GGNBP2: variants seen among roughly 807,000 people sequenced by gnomAD.
The protein encoded by GGNBP2 is gametogenetin binding protein 2.
In GGNBP2, 10 loss-of-function variants were observed where a neutral mutation model predicts 85.9. The ratio of observed to expected loss-of-function variants is 0.12; its 90% confidence interval spans 0.07 to 0.20. The LOEUF is 0.20. Among genes scored for constraint, GGNBP2 ranks in the 10% least tolerant of loss-of-function variants. The pLI, the probability that GGNBP2 is intolerant of heterozygous loss-of-function variation, is 1.00. For synonymous variants in GGNBP2, 287 were observed against 285.7 expected (o/e 1.00, Z -0.05); for missense variants, 595 against 857.8 (o/e 0.69, Z 3.83).
chr17:36,577,288 C>T (rs1012030387), intron 6 of GGNBP2: 52 of 152,182 alleles, frequency 3.4e-4, no homozygotes, highest in African/African-American at 1.1e-3. Flanking sequence ...TCTACATTCA[C>T]AAACTCTTCT....
chr17:36,547,864 C>T (rs2142668326), intron 2 of GGNBP2: 1 of 152,328 alleles, frequency 6.6e-6, no homozygotes, highest in Middle Eastern at 3.4e-3. Context: ...TCTGCACAGT[C>T]ATTGAATGCT....
intron 6 of GGNBP2, among the ~76,000 whole-genome samples, chr17:36,568,031 T>G (rs2074485589): frequency 6.6e-6 from 1 of 152,062 alleles, no homozygotes; most frequent in Admixed American, 6.6e-5. Flanking sequence ...GTTCAAGAGA[T>G]TCTCCTGCCT....
At chr17:36,552,664 G>C (rs553471382) in intron 2 of GGNBP2, among the ~76,000 whole-genome samples, 8 of 152,246 alleles carry the variant, frequency 5.3e-5, no homozygotes, top group South Asian at 2.1e-4. Flanking sequence ...CTGAAAATTG[G>C]ATAATTGACA....
intron 6 of GGNBP2, among the ~76,000 whole-genome samples, chr17:36,573,056 A>G (rs546068277): frequency 9.9e-5 from 15 of 152,274 alleles, no homozygotes; most frequent in East Asian, 5.8e-4. Flanking sequence ...TAATGTCACA[A>G]TACTGTGACA....
chr17:36,564,949 A>G (rs1197580559), intron 5 of GGNBP2, among the ~76,000 whole-genome samples: 8 of 152,190 alleles, frequency 5.3e-5, no homozygotes, highest in Admixed American at 5.2e-4. Flanking sequence ...AGAAAGATCT[A>G]GGCTGGAGTT....
At chr17:36,580,353 G>A (rs2074635447) in intron 8 of GGNBP2, among the ~76,000 whole-genome samples, 1 of 151,228 alleles carries the variant, frequency 6.6e-6, no homozygotes, top group Non-Finnish European at 1.5e-5. Context: ...GACTGCAGGC[G>A]CCCGCCACCA....
At chr17:36,547,320 T>C (rs971197408) in intron 2 of GGNBP2, 1 of 152,188 alleles carries the variant, frequency 6.6e-6, no homozygotes, top group African/African-American at 2.4e-5. Flanking sequence ...AGTTATGATA[T>C]CAGCCTTTAA....
chr17:36,548,162 T>C (rs1394507952), intron 2 of GGNBP2, among the ~76,000 whole-genome samples: 1 of 152,224 alleles, frequency 6.6e-6, no homozygotes, highest in Non-Finnish European at 1.5e-5. Flanking sequence ...ATAGTAGTCT[T>C]AGGATTTTGA....
chr17:36,546,177 C>T (rs944202455), intron 2 of GGNBP2: 83 of 395,386 alleles, frequency 2.1e-4, no homozygotes, highest in African/African-American at 1.6e-3. Flanking sequence ...CACCTACCCT[C>T]GGGGAGGCTT....
intron 2 of GGNBP2, among the ~76,000 whole-genome samples, chr17:36,552,715 A>C (rs1185367171): frequency 6.6e-6 from 1 of 152,204 alleles, no homozygotes; most frequent in Non-Finnish European, 1.5e-5. Flanking sequence ...AAAAACTTTC[A>C]GAATGGTAAA....
At chr17:36,586,947 G>C (rs1235638284) in intron 12 of GGNBP2, 50 bp from the exon 13 acceptor site, 1 of 1,223,346 alleles carries the variant, frequency 8.2e-7, no homozygotes, top group Admixed American at 2.3e-5. Flanking sequence ...AAGAATAATT[G>C]CTATTATATC....
At chr17:36,584,738 C>T (rs2074683793) in intron 9 of GGNBP2, among the ~76,000 whole-genome samples, 2 of 152,060 alleles carry the variant, frequency 1.3e-5, no homozygotes. Flanking sequence ...TGCTTAAGGC[C>T]AGGAGTTCAA....
At chr17:36,569,366 C>T (rs576118599) in intron 6 of GGNBP2, among the ~76,000 whole-genome samples, 44 of 152,244 alleles carry the variant, frequency 2.9e-4, no homozygotes, top group African/African-American at 1.1e-3. Flanking sequence ...GAGCCAGGAT[C>T]GTGCCACTGC....
chr17:36,585,654 A>G, intron 10 of GGNBP2, 186 bp from the exon 11 acceptor site: 1 of 628,934 alleles, frequency 1.6e-6, no homozygotes, highest in Non-Finnish European at 2.6e-6. Context: ...AAAAATGGTA[A>G]ATTCCTAATC....
intron 2 of GGNBP2, 29 bp from the exon 3 acceptor site, chr17:36,554,791 A>G: frequency 7.2e-7 from 1 of 1,391,644 alleles, no homozygotes; most frequent in Non-Finnish European, 1.0e-6. Context: ...GGGTAAAGTA[A>G]TTGATTTCCG....
chr17:36,583,075 GAC>G (rs1376049851), intron 9 of GGNBP2, among the ~76,000 whole-genome samples: 5 of 150,346 alleles, frequency 3.3e-5, no homozygotes, highest in African/African-American at 9.8e-5. Flanking sequence ...TTTTTTTTGA[GAC>G]AGAGTCTCGC....
At position 36,550,127 on chromosome 17, in the gene GGNBP2, G is replaced by A. The variant is rs953546762; in HGVS notation, c.93+4310G>A. 3.3e-5 allele frequency among the ~76,000 whole-genome samples: 5 copies of A among 152,028 alleles called. No homozygotes were observed. The East Asian group carries it at 5.8e-4, about 18-fold the overall frequency. ...TAGTTTTTGTATTTTTAGTAGAGAC[G>A]AGGCGTCACCATTTTGGCCAGGCTG... On this transcript the variant is annotated intron_variant, in intron 2 of 13. Transcript: ENST00000613102.
chr17:36,572,181 A>G (rs1489866550), intron 6 of GGNBP2, among the ~76,000 whole-genome samples: 1 of 152,190 alleles, frequency 6.6e-6, no homozygotes. Flanking sequence ...TCAAACATAT[A>G]TTAAACTACT....
At chr17:36,564,075 A>T (rs1339194166) in intron 5 of GGNBP2, among the ~76,000 whole-genome samples, 1 of 151,992 alleles carries the variant, frequency 6.6e-6, no homozygotes. Flanking sequence ...AAAATTTTTT[A>T]TTTTTTATTT....
Sources: gnomAD v4.1 joint callset for allele counts (sites outside exome capture counted in the v4.1 genomes callset) on GRCh38, gnomAD v4.1.1 for gene constraint, MANE v1.5 for transcripts, NCBI Gene and HGNC (gene_info 2026-07-23, HGNC 2026-07-21) for gene names.